PARD3: variants seen among roughly 807,000 people sequenced by gnomAD.
PARD3 encodes par-3 family cell polarity regulator.
Under a neutral mutation model 155.4 loss-of-function variants are expected in PARD3, and 75 were observed. The observed-to-expected ratio is 0.48, with a 90% CI of 0.40 to 0.58. PARD3 has a LOEUF of 0.58. PARD3 is among the 20% of genes least tolerant of loss of function. The pLI is 0.00. For synonymous variants in PARD3, 576 were observed against 610.5 expected (o/e 0.94, Z 0.83); for missense variants, 1,642 against 1,721.7 (o/e 0.95, Z 0.82).
chr10:34,629,474 C>T (rs1222436768), intron 2 of PARD3, among the ~76,000 whole-genome samples: 4 of 152,130 alleles, frequency 2.6e-5, no homozygotes, highest in Admixed American at 6.5e-5. Context: ...CACATACACA[C>T]GTTAAGGTCA....
At chr10:34,224,851 G>A (rs1952506816) in intron 22 of PARD3, among the ~76,000 whole-genome samples, 1 of 152,124 alleles carries the variant, frequency 6.6e-6, no homozygotes, top group Non-Finnish European at 1.5e-5. Context: ...TCAAATCAGT[G>A]TCCCTTTTTA....
At chr10:34,196,794 C>G (rs1163874786) in intron 22 of PARD3, among the ~76,000 whole-genome samples, 2 of 152,048 alleles carry the variant, frequency 1.3e-5, no homozygotes, top group Non-Finnish European at 2.9e-5. Flanking sequence ...AGGATGGTCT[C>G]TATCTCCTGA....
intron 2 of PARD3, among the ~76,000 whole-genome samples, chr10:34,660,465 C>T (rs2093293746): frequency 6.6e-6 from 1 of 152,014 alleles, no homozygotes; most frequent in East Asian, 1.9e-4. Context: ...TTCAAAGGAG[C>T]TTACACAGAT....
At chr10:34,243,405 T>A (rs926220229) in intron 22 of PARD3, among the ~76,000 whole-genome samples, 1 of 152,222 alleles carries the variant, frequency 6.6e-6, no homozygotes, top group African/African-American at 2.4e-5. Context: ...GGCCCGCAGT[T>A]TTTACAGATT....
chr10:34,288,202 C>A lies in PARD3; in HGVS notation c.3066-3957G>T, dbSNP rs189236712. ...CTCCAGCCTGGGTGACAGAGTAAGACCTTGTCTCAAAAAAAGAATACAGAT... is the reference window on the plus strand; with the variant it reads ...CTCCAGCCTGGGTGACAGAGTAAGAACTTGTCTCAAAAAAAGAATACAGAT... On this transcript the variant is annotated intron_variant, in intron 20 of 24. Coordinates refer to ENST00000374788, the MANE Select transcript of PARD3 (RefSeq NM_001184785.2). Among the ~76,000 whole-genome samples the A allele has an allele frequency of 1.2e-3, 190 of 152,042 alleles. 1 individual carries two copies. Among genetic ancestry groups the A allele is most frequent in the African/African-American group, 4.3e-3 (180 of 41,476 alleles).
chr10:34,170,087 T>G (rs1193117872), intron 22 of PARD3, among the ~76,000 whole-genome samples: 2 of 152,172 alleles, frequency 1.3e-5, no homozygotes, highest in African/African-American at 4.8e-5. Context: ...TTAGGATACT[T>G]TTGTTGTTGC....
chr10:34,594,139 G>A (rs1417826485), intron 2 of PARD3, among the ~76,000 whole-genome samples: 1 of 152,154 alleles, frequency 6.6e-6, no homozygotes, highest in Non-Finnish European at 1.5e-5. Flanking sequence ...GTTTATTACT[G>A]TAATAGTCAA....
At chr10:34,785,796 T>C (rs1322186291) in intron 1 of PARD3, among the ~76,000 whole-genome samples, 4 of 152,022 alleles carry the variant, frequency 2.6e-5, no homozygotes, top group Admixed American at 6.6e-5. Flanking sequence ...ATCTAGACAT[T>C]AGGAAACTTT....
intron 22 of PARD3, among the ~76,000 whole-genome samples, chr10:34,161,831 C>G (rs1836261305): frequency 6.6e-6 from 1 of 152,078 alleles, no homozygotes; most frequent in South Asian, 2.1e-4. Flanking sequence ...ATCTGTGATC[C>G]AAGTGCCCAC....
intron 2 of PARD3, among the ~76,000 whole-genome samples, chr10:34,592,566 A>G (rs1452063351): frequency 6.6e-6 from 1 of 152,204 alleles, no homozygotes; most frequent in East Asian, 1.9e-4. Context: ...ACCAGAGGTC[A>G]GGAGTTTGAG....
intron 7 of PARD3, among the ~76,000 whole-genome samples, chr10:34,387,457 G>A (rs548848770): frequency 1.3e-5 from 2 of 152,052 alleles, no homozygotes; most frequent in Non-Finnish European, 2.9e-5. Flanking sequence ...CTGTCACCCA[G>A]GCTGGAGGTA....
chr10:34,604,453 T>A (rs919253870), intron 2 of PARD3, among the ~76,000 whole-genome samples: 9 of 152,110 alleles, frequency 5.9e-5, no homozygotes, highest in Admixed American at 5.2e-4. Flanking sequence ...CCCTCAAATA[T>A]CAGACTCCAA....
At chr10:34,475,271 A>G (rs189631150) in intron 3 of PARD3, among the ~76,000 whole-genome samples, 9 of 152,356 alleles carry the variant, frequency 5.9e-5, no homozygotes, top group Admixed American at 1.3e-4. Flanking sequence ...AACAAAGCAC[A>G]TTTAGTGGAA....
At chr10:34,217,206 C>T (rs1324647431) in intron 22 of PARD3, among the ~76,000 whole-genome samples, 1 of 151,718 alleles carries the variant, frequency 6.6e-6, no homozygotes. Context: ...CTTCCCTGTC[C>T]CTGGGTGCTC....
intron 22 of PARD3, among the ~76,000 whole-genome samples, chr10:34,184,696 C>T (rs72784193): frequency 0.14 from 12,078 of 87,052 alleles, 1,165 homozygotes; most frequent in African/African-American, 0.3. Flanking sequence ...CCAGGCCTTT[C>T]GGTTTTTTTT....
chr10:34,220,497 G>A (rs1454874116), intron 22 of PARD3, among the ~76,000 whole-genome samples: 2 of 152,162 alleles, frequency 1.3e-5, no homozygotes, highest in African/African-American at 4.8e-5. Context: ...GCTCAAACAA[G>A]AGCTGTTTCA....
At chr10:34,628,721 A>G (rs1338378094) in intron 2 of PARD3, among the ~76,000 whole-genome samples, 1 of 152,244 alleles carries the variant, frequency 6.6e-6, no homozygotes, top group African/African-American at 2.4e-5. Context: ...CAGGATGGAC[A>G]GAGAGGCAGA....
intron 23 of PARD3, among the ~76,000 whole-genome samples, chr10:34,126,571 C>CA (rs537056848): frequency 5.5e-4 from 83 of 152,188 alleles, no homozygotes; most frequent in African/African-American, 1.9e-3. Flanking sequence ...CCATCCCTTC[C>CA]AAATACAGTG....
intron 2 of PARD3, among the ~76,000 whole-genome samples, chr10:34,578,056 T>A (rs574202789): frequency 6.6e-6 from 1 of 151,170 alleles, no homozygotes; most frequent in East Asian, 1.9e-4. Flanking sequence ...TGCTCTTTTT[T>A]TTTTTCTTTT....
Sources: allele counts gnomAD v4.1 joint callset (sites outside exome capture counted in the v4.1 genomes callset), GRCh38; gene constraint gnomAD v4.1.1; transcripts MANE v1.5; gene names NCBI Gene and HGNC (gene_info 2026-07-23, HGNC 2026-07-21).